Variants in SLC44A5 observed in about 807,000 individuals in gnomAD.
SLC44A5 encodes solute carrier family 44 member 5.
A neutral mutation model predicts 101.8 loss-of-function variants in SLC44A5; 57 were observed. That is an observed-to-expected ratio of 0.56 (90% CI 0.45 to 0.70). The LOEUF is 0.70. Ranked by LOEUF, SLC44A5 falls within the 30% of genes least tolerant of loss-of-function variation. The pLI is 0.00. For synonymous variants in SLC44A5, 281 were observed against 290.9 expected (o/e 0.97, Z 0.35); for missense variants, 737 against 853.1 (o/e 0.86, Z 1.70).
intron 7 of SLC44A5, among the ~76,000 whole-genome samples, chr1:75,246,526 T>C (rs1049677925): frequency 1.3e-5 from 2 of 152,056 alleles, no homozygotes; most frequent in Non-Finnish European, 2.9e-5. Context: ...CAATTTGTCT[T>C]CCAGTAGTGG....
chr1:75,660,906 TG>T, the SLC44A5 span, among the ~76,000 whole-genome samples: 2,383 of 152,194 alleles, frequency 0.016, 71 homozygotes, highest in African/African-American at 0.053. Flanking sequence ...GTCCATACTT[TG>T]TAGACCCAAA....
chr1:75,358,561 T>TA (rs1322906464), intron 3 of SLC44A5, among the ~76,000 whole-genome samples: 1 of 152,190 alleles, frequency 6.6e-6, no homozygotes, highest in African/African-American at 2.4e-5. Flanking sequence ...CTCACATAGT[T>TA]ACCATTTTGT....
At chr1:75,411,709 A>G (rs17644957) in intron 2 of SLC44A5, among the ~76,000 whole-genome samples, 13,544 of 152,202 alleles carry the variant, frequency 0.089, 801 homozygotes, top group Admixed American at 0.18. Flanking sequence ...GATAATGGTA[A>G]TAGAGAGAAG....
chr1:75,323,270 C>T (rs1451184002), intron 4 of SLC44A5, among the ~76,000 whole-genome samples: 3 of 151,562 alleles, frequency 2.0e-5, no homozygotes, highest in Admixed American at 6.6e-5. Context: ...AGGACATGAA[C>T]TCATCATTTT....
chr1:75,514,908 A>G (rs182417627), intron 2 of SLC44A5, among the ~76,000 whole-genome samples: 24 of 152,358 alleles, frequency 1.6e-4, no homozygotes, highest in African/African-American at 5.3e-4. Context: ...GATGGAGATC[A>G]ACTGATAAAA....
At chr1:75,523,596 A>G (rs935680864) in intron 2 of SLC44A5, among the ~76,000 whole-genome samples, 2 of 152,132 alleles carry the variant, frequency 1.3e-5, no homozygotes, top group Non-Finnish European at 2.9e-5. Context: ...TGTTGGGATT[A>G]CAGGCGTGAG....
the SLC44A5 span, among the ~76,000 whole-genome samples, chr1:75,657,479 T>C: frequency 6.6e-6 from 1 of 150,660 alleles, no homozygotes; most frequent in Non-Finnish European, 1.5e-5. Flanking sequence ...AGCCAGGAGC[T>C]GGAGGTTGCA....
At chr1:75,290,859 A>G (rs1023179287) in intron 5 of SLC44A5, among the ~76,000 whole-genome samples, 1 of 152,246 alleles carries the variant, frequency 6.6e-6, no homozygotes, top group African/African-American at 2.4e-5. Flanking sequence ...TAAAAAATAT[A>G]TAAGGTTTTC....
chr1:75,446,647 TATACACAC>T (rs1665595847), intron 2 of SLC44A5, among the ~76,000 whole-genome samples: 1 of 105,396 alleles, frequency 9.5e-6, no homozygotes, highest in African/African-American at 4.4e-5. Context: ...AGTGCCTGGC[TATACACAC>T]ACACACACAC....
intron 3 of SLC44A5, among the ~76,000 whole-genome samples, chr1:75,353,172 G>C (rs1658813700): frequency 6.6e-6 from 1 of 152,072 alleles, no homozygotes; most frequent in African/African-American, 2.4e-5. Context: ...GAAAATGAAA[G>C]GTTACATTTT....
chr1:75,330,140 C>CGTAT (rs1656920683), intron 4 of SLC44A5, among the ~76,000 whole-genome samples: 5 of 90,268 alleles, frequency 5.5e-5, no homozygotes, highest in Non-Finnish European at 7.3e-5. Flanking sequence ...CACACACACA[C>CGTAT]ATGCATATAC....
At chr1:75,492,157 T>C (rs1371297596) in intron 2 of SLC44A5, among the ~76,000 whole-genome samples, 1 of 152,162 alleles carries the variant, frequency 6.6e-6, no homozygotes, top group African/African-American at 2.4e-5. Flanking sequence ...CCCTGAAGTA[T>C]CACATTTCAA....
At position 75,258,348 on chromosome 1, in the gene SLC44A5, C is replaced by T. The variant is rs1019903695; in HGVS notation, c.261-7054G>A. Among the ~76,000 whole-genome samples, 5 of 151,946 alleles carry T rather than the reference C, an allele frequency of 3.3e-5. 1 individual carries two copies. Among genetic ancestry groups the T allele is most frequent in the African/African-American group, 4.8e-5 (2 of 41,326 alleles). On this transcript the variant is annotated intron_variant, in intron 6 of 23. Coordinates refer to ENST00000370859, the MANE Select transcript of SLC44A5 (RefSeq NM_001130058.2). ...AGCTCGACCTGGGATGCTTGAGCTT[C>T]GTCAGGGAAGGGGTGTCTGCCATTG...
At chr1:75,505,829 T>C (rs1048519073) in intron 2 of SLC44A5, among the ~76,000 whole-genome samples, 3 of 152,184 alleles carry the variant, frequency 2.0e-5, no homozygotes, top group African/African-American at 4.8e-5. Flanking sequence ...ATAGTTTCTT[T>C]TGTTGTGCAA....
intron 2 of SLC44A5, among the ~76,000 whole-genome samples, chr1:75,464,758 C>T (rs1301613434): frequency 1.3e-5 from 2 of 152,034 alleles, no homozygotes; most frequent in Non-Finnish European, 2.9e-5. Context: ...AAATAGATTT[C>T]AAGACAAAAA....
rs575132521 is a variant in SLC44A5 at position 75,516,061 on chromosome 1, G to C, written c.13+25374C>G. On this transcript the variant is annotated intron_variant, in intron 2 of 23. Transcript: ENST00000370859. ...TGAAAGGGGCTTAAGAAATTATTCA[G>C]TTCAGTTTTCCAATTATAATAGAGC... Among the ~76,000 whole-genome samples the C allele has an allele frequency of 1.1e-3, 169 of 152,232 alleles. 2 individuals are homozygous for C. The South Asian group carries it at 0.012, about 11-fold the overall frequency.
intron 2 of SLC44A5, among the ~76,000 whole-genome samples, chr1:75,406,368 C>T (rs926189175): frequency 6.6e-6 from 1 of 152,096 alleles, no homozygotes; most frequent in Non-Finnish European, 1.5e-5. Context: ...TTTATGAGAC[C>T]AGCATCATCC....
intron 3 of SLC44A5, among the ~76,000 whole-genome samples, chr1:75,345,607 G>A (rs556131757): frequency 1.3e-5 from 2 of 152,292 alleles, no homozygotes; most frequent in African/African-American, 2.4e-5. Flanking sequence ...TAAGCTGGGT[G>A]TGATGGTTAT....
chr1:75,590,292 G>A (rs1178919578), intron 1 of SLC44A5, among the ~76,000 whole-genome samples: 1 of 152,056 alleles, frequency 6.6e-6, no homozygotes, highest in African/African-American at 2.4e-5. Context: ...GCTGACAGAT[G>A]ACAATTCTAG....
Sources: allele counts gnomAD v4.1 joint callset (sites outside exome capture counted in the v4.1 genomes callset), GRCh38; gene constraint gnomAD v4.1.1; transcripts MANE v1.5; gene names NCBI Gene and HGNC (gene_info 2026-07-23, HGNC 2026-07-21).